The following EYS variants were observed in gnomAD, a reference collection of about 807,000 sequenced individuals.
EYS encodes protein eyes shut homolog.
A neutral mutation model predicts 282.1 loss-of-function variants in EYS; 250 were observed. The ratio of observed to expected loss-of-function variants is 0.89; its 90% CI spans 0.80 to 0.98. EYS has a LOEUF of 0.98. EYS is among the 50% of genes least tolerant of loss of function. The pLI, the probability that EYS is intolerant of heterozygous loss-of-function variation, is 0.00. For missense variants in EYS, 4,016 were observed against 3,709.0 expected, an observed-to-expected ratio of 1.08 and a Z score of -2.15; for synonymous variants, 1,355 against 1,282.9, an observed-to-expected ratio of 1.06 and a Z score of -1.20.
chr6:64,569,633 C>A (rs1378968721), intron 26 of EYS, among the ~76,000 whole-genome samples: 2 of 151,726 alleles, frequency 1.3e-5, no homozygotes, highest in East Asian at 2.0e-4. Flanking sequence ...CCCAGCTACT[C>A]GTGAGGCTGA....
At chr6:65,152,112 A>G (rs762693368) in intron 12 of EYS, among the ~76,000 whole-genome samples, 1 of 152,008 alleles carries the variant, frequency 6.6e-6, no homozygotes. Context: ...TGTTCTTCAT[A>G]GTTGCACCCA....
intron 31 of EYS, among the ~76,000 whole-genome samples, chr6:64,212,789 A>T (rs1765818889): frequency 6.6e-6 from 1 of 152,170 alleles, no homozygotes; most frequent in African/African-American, 2.4e-5. Flanking sequence ...AAATGATTCT[A>T]TTATAAAGAC....
intron 22 of EYS, among the ~76,000 whole-genome samples, chr6:64,690,874 A>T (rs935790714): frequency 6.6e-6 from 1 of 152,128 alleles, no homozygotes; most frequent in Non-Finnish European, 1.5e-5. Flanking sequence ...GATATACCTA[A>T]TGTAAATGAT....
intron 12 of EYS, among the ~76,000 whole-genome samples, chr6:65,183,715 C>A (rs1765448544): frequency 6.6e-6 from 1 of 151,244 alleles, no homozygotes; most frequent in African/African-American, 2.4e-5. Flanking sequence ...TTTATATTTT[C>A]TATTTTTGAT....
At chr6:64,537,684 T>C (rs575802097) in intron 26 of EYS, among the ~76,000 whole-genome samples, 3 of 152,322 alleles carry the variant, frequency 2.0e-5, no homozygotes, top group African/African-American at 7.2e-5. Flanking sequence ...AGAGACTTCA[T>C]GATGAGTACT....
intron 29 of EYS, among the ~76,000 whole-genome samples, chr6:64,347,134 T>A (rs181044144): frequency 5.3e-5 from 8 of 151,424 alleles, no homozygotes; most frequent in South Asian, 4.2e-4. Context: ...TTCAAAAAAA[T>A]TTTTGCTCAA....
chr6:64,978,415 C>A (rs577952526), intron 14 of EYS, among the ~76,000 whole-genome samples: 5 of 151,998 alleles, frequency 3.3e-5, no homozygotes, highest in Admixed American at 6.6e-5. Flanking sequence ...AGAAAAGATT[C>A]GTTTCAAAAT....
At chr6:65,673,556 T>C (rs1419311049) in intron 1 of EYS, among the ~76,000 whole-genome samples, 1 of 152,072 alleles carries the variant, frequency 6.6e-6, no homozygotes, top group Non-Finnish European at 1.5e-5. Context: ...TTGGGCTCTA[T>C]CCTTGTCAGA....
At chr6:63,841,059 T>C (rs1419925213) in intron 36 of EYS, among the ~76,000 whole-genome samples, 2 of 152,210 alleles carry the variant, frequency 1.3e-5, no homozygotes, top group East Asian at 3.8e-4. Context: ...TAAAGCATGT[T>C]AATGTCAAAT....
intron 31 of EYS, among the ~76,000 whole-genome samples, chr6:64,158,399 G>A (rs1157337158): frequency 6.6e-6 from 1 of 151,712 alleles, no homozygotes; most frequent in African/African-American, 2.4e-5. Flanking sequence ...TTGATGCTGA[G>A]AAAAAAAACC....
intron 13 of EYS, among the ~76,000 whole-genome samples, chr6:65,007,239 C>T (rs1230606817): frequency 6.6e-6 from 1 of 152,144 alleles, no homozygotes; most frequent in African/African-American, 2.4e-5. Context: ...AGGACTAATG[C>T]TCATCGGAAA....
At chr6:64,091,898 C>T (rs980019757) in intron 31 of EYS, among the ~76,000 whole-genome samples, 2 of 152,086 alleles carry the variant, frequency 1.3e-5, no homozygotes, top group African/African-American at 2.4e-5. Context: ...TATCTCTCCC[C>T]ACTCTCCCCA....
intron 35 of EYS, among the ~76,000 whole-genome samples, chr6:63,954,512 A>T (rs2149769056): frequency 6.6e-6 from 1 of 152,286 alleles, no homozygotes; most frequent in African/African-American, 2.4e-5. Flanking sequence ...CCCATCATTA[A>T]TGCCTCTTTA....
chr6:64,986,213 A>G (rs1053337965), intron 14 of EYS, among the ~76,000 whole-genome samples: 1 of 151,504 alleles, frequency 6.6e-6, no homozygotes, highest in Non-Finnish European at 1.5e-5. Flanking sequence ...AAAAAGAAAA[A>G]CTTTTATCAG....
At chr6:65,536,770 C>T (rs559440448) in intron 2 of EYS, among the ~76,000 whole-genome samples, 50 of 152,148 alleles carry the variant, frequency 3.3e-4, no homozygotes, top group Non-Finnish European at 4.4e-5. Flanking sequence ...ATGCACAACC[C>T]TTTGGGGAGA....
chr6:65,073,568 A>G (rs1275124562), intron 12 of EYS, among the ~76,000 whole-genome samples: 1 of 151,826 alleles, frequency 6.6e-6, no homozygotes, highest in Non-Finnish European at 1.5e-5. Flanking sequence ...ATATAGATAT[A>G]TAATAAAAAT....
chr6:65,465,311 C>T (rs1764961816), intron 5 of EYS, among the ~76,000 whole-genome samples: 1 of 151,726 alleles, frequency 6.6e-6, no homozygotes, highest in Non-Finnish European at 1.5e-5. Flanking sequence ...TACCTCATCT[C>T]CCCCCATTTT....
chr6:64,151,919 A>G (rs922254486), intron 31 of EYS, among the ~76,000 whole-genome samples: 5 of 151,930 alleles, frequency 3.3e-5, no homozygotes, highest in Admixed American at 6.6e-5. Context: ...GATTTTCATT[A>G]TTTTTCTTAA....
At chr6:65,249,395 C>A (rs553713714) in intron 12 of EYS, among the ~76,000 whole-genome samples, 1 of 151,780 alleles carries the variant, frequency 6.6e-6, no homozygotes, top group Non-Finnish European at 1.5e-5. Context: ...TGAAGAGAAC[C>A]AAAATTTTTG....
Sources: allele counts gnomAD v4.1 joint callset (sites outside exome capture counted in the v4.1 genomes callset), GRCh38; gene constraint gnomAD v4.1.1; transcripts MANE v1.5; gene names NCBI Gene and HGNC (gene_info 2026-07-23, HGNC 2026-07-21).